Variants in SHISA5 observed in about 807,000 individuals in gnomAD.
SHISA5 encodes protein shisa-5.
SHISA5 carries 21 observed loss-of-function variants against 27.5 expected under a neutral mutation model. That is an observed-to-expected ratio of 0.76 (90% CI 0.54 to 1.10). The LOEUF (loss-of-function observed/expected upper bound fraction) is 1.10, where lower values mean the gene tolerates loss of function less well. Among genes scored for constraint, SHISA5 ranks in the 50% least tolerant of loss-of-function variants. SHISA5 has a pLI of 0.00. For missense variants in SHISA5, 314 were observed against 336.3 expected (o/e 0.93, Z 0.52); for synonymous variants, 137 against 142.2 (o/e 0.96, Z 0.26).
At chr3:48,478,431 C>T (rs2040892458) in intron 3 of SHISA5, among the ~76,000 whole-genome samples, 1 of 152,146 alleles carries the variant, frequency 6.6e-6, no homozygotes, top group Non-Finnish European at 1.5e-5. Context: ...CTGGGCAGAC[C>T]TTTTCTTTAA....
At chr3:48,503,319 G>C in intron 1 of SHISA5, 2 of 498,258 alleles carry the variant, frequency 4.0e-6, no homozygotes, top group Non-Finnish European at 7.3e-6. Context: ...CGGATTCTGG[G>C]CACAAGTCTC....
upstream of SHISA5, chr3:48,504,277 G>C: frequency 2.7e-6 from 1 of 371,842 alleles, no homozygotes; most frequent in Non-Finnish European, 4.8e-6. This position sits in a 1 kb window ranked among gnomAD's most constrained non-coding sequence, Gnocchi z 4.0. Flanking sequence ...GGAGGAGGGA[G>C]GAAGGTGGAA....
At chr3:48,476,506 T>C (rs1020195947) in intron 3 of SHISA5, among the ~76,000 whole-genome samples, 1 of 152,174 alleles carries the variant, frequency 6.6e-6, no homozygotes, top group African/African-American at 2.4e-5. Flanking sequence ...CTCCTGGCCA[T>C]GGCCTCGACA....
chr3:48,477,647 A>G (rs1388756714), intron 3 of SHISA5, among the ~76,000 whole-genome samples: 7 of 152,054 alleles, frequency 4.6e-5, no homozygotes, highest in African/African-American at 1.7e-4. Flanking sequence ...ACAATTTCCA[A>G]CTGCTCTTCA....
At chr3:48,480,886 G>A (rs763628484) in intron 2 of SHISA5, among the ~76,000 whole-genome samples, 11 of 152,252 alleles carry the variant, frequency 7.2e-5, no homozygotes, top group Admixed American at 5.2e-4. Context: ...ACTGAGGTCA[G>A]GAGTTCGAGA....
intron 3 of SHISA5, among the ~76,000 whole-genome samples, chr3:48,472,156 G>A (rs1264110440): frequency 6.6e-6 from 1 of 151,822 alleles, no homozygotes; most frequent in Admixed American, 6.6e-5. Flanking sequence ...ACTCCAGCCT[G>A]AGCAACAGTG....
intron 2 of SHISA5, among the ~76,000 whole-genome samples, chr3:48,499,864 CA>C (rs55724575): frequency 0.089 from 4,158 of 46,982 alleles, 193 homozygotes; most frequent in African/African-American, 0.25. Context: ...GACTCCGTCT[CA>C]AAAAAAAAAA....
chr3:48,496,780 TA>T (rs796720740), intron 2 of SHISA5, among the ~76,000 whole-genome samples: 17 of 141,078 alleles, frequency 1.2e-4, no homozygotes, highest in African/African-American at 2.9e-4. Flanking sequence ...TATAATACCA[TA>T]AAAAAAAACA....
intron 2 of SHISA5, among the ~76,000 whole-genome samples, chr3:48,496,615 T>C (rs1340838434): frequency 3.3e-5 from 5 of 151,706 alleles, no homozygotes; most frequent in African/African-American, 9.7e-5. Context: ...GCCCCTGTAA[T>C]CCCAGCTACT....
rs1209476605 is a variant in SHISA5, at chr3:48,473,219, T to G, written c.315-3376A>C. On this transcript the variant is annotated intron_variant, in intron 3 of 5. Coordinates refer to ENST00000296444, the MANE Select transcript of SHISA5 (RefSeq NM_016479.6). The surrounding 1 kb of genome is among the most constrained non-coding windows in gnomAD (Gnocchi z 4.3). ...AGGATGGCCCCGCCCAGCAGCCGGCTAGCAGCCAAGGAGCCAAGGGGCGGG... is the reference window on the plus strand; with the variant it reads ...AGGATGGCCCCGCCCAGCAGCCGGCGAGCAGCCAAGGAGCCAAGGGGCGGG... The G allele has an allele frequency of 2.1e-5, 29 of 1,404,966 alleles. No homozygotes were observed. The highest frequency in any genetic ancestry group is 5.8e-5 in the Admixed American group (2 of 34,442). 87.0% of individuals were successfully genotyped at this position (1,404,966 alleles called of 1,614,324 possible). A position where few individuals can be genotyped will look rare whatever the true frequency, so the allele number is the denominator to read the frequency against.
Position 48,501,150 on chromosome 3 carries a change from C to T in SHISA5, c.220G>A (p.Val74Met). The change falls in exon 2 of 6, where the codon GTG becomes ATG. Residue 74 changes from valine to methionine, a missense_variant. Physicochemically the swap from Val to Met is conservative, Grantham distance 21. Transcript: ENST00000296444. Reference sequence around the variant, plus strand: ...TGGTGCACCCACCTGGCCTCAGGCACAGCACACCTTTCCTCGCTCCACACA... The same window carrying T: ...TGGTGCACCCACCTGGCCTCAGGCATAGCACACCTTTCCTCGCTCCACACA... ...KFVWSEERCA[V>M]PEASVPASVE... The T allele has an allele frequency of 6.2e-7, 1 of 1,612,124 alleles. No homozygotes were observed. The highest frequency in any genetic ancestry group is 8.5e-7 in the Non-Finnish European group (1 of 1,179,080).
At chr3:48,475,418 T>C (rs2040790624) in intron 3 of SHISA5, among the ~76,000 whole-genome samples, 1 of 151,910 alleles carries the variant, frequency 6.6e-6, no homozygotes, top group South Asian at 2.1e-4. Context: ...GGCAGGATTG[T>C]AGGGTCTGGG....
At chr3:48,490,886 A>T (rs1560131478) in intron 2 of SHISA5, among the ~76,000 whole-genome samples, 2 of 152,100 alleles carry the variant, frequency 1.3e-5, no homozygotes, top group Non-Finnish European at 2.9e-5. Context: ...AATAGGAAAC[A>T]TTTGTCATCT....
intron 3 of SHISA5, among the ~76,000 whole-genome samples, chr3:48,477,309 T>G (rs1015034202): frequency 2.0e-5 from 3 of 152,162 alleles, no homozygotes; most frequent in African/African-American, 7.2e-5. Flanking sequence ...TTGGCCAGGC[T>G]GGTCTTGAAC....
At position 48,473,250 on chromosome 3, in the gene SHISA5, G is replaced by T; in HGVS notation, c.315-3407C>A. Reference sequence around the variant, plus strand: ...CCAAGGAGCCAAGGGGCGGGGGCCGGGGAGGAGGGGAAGCAGAGGTGCCCC... The same window carrying T: ...CCAAGGAGCCAAGGGGCGGGGGCCGTGGAGGAGGGGAAGCAGAGGTGCCCC... On this transcript the variant is annotated intron_variant, in intron 3 of 5. Coordinates refer to ENST00000296444, the MANE Select transcript of SHISA5 (RefSeq NM_016479.6). This position sits in a 1 kb window ranked among gnomAD's most constrained non-coding sequence, Gnocchi z 4.3. 1.4e-6 allele frequency: 2 copies of T among 1,420,718 alleles called. No individual in the cohort carries two copies. The highest frequency in any genetic ancestry group is 1.8e-6 in the Non-Finnish European group (2 of 1,089,952). The allele number at this position is 1,420,718 out of a possible 1,614,324, so 88.0% of individuals were successfully genotyped here.
chr3:48,496,564 C>G (rs1450121597), intron 2 of SHISA5, among the ~76,000 whole-genome samples: 1 of 151,598 alleles, frequency 6.6e-6, no homozygotes, highest in Non-Finnish European at 1.5e-5. Flanking sequence ...AACCCCGTCT[C>G]TACTAAAAAT....
intron 2 of SHISA5, 28 bp from the exon 3 acceptor site, chr3:48,479,285 A>C (rs1329044803): frequency 6.3e-7 from 1 of 1,587,288 alleles, no homozygotes; most frequent in Non-Finnish European, 8.5e-7. Flanking sequence ...TGTGATTAGC[A>C]CAATGAAGCC....
intron 2 of SHISA5, among the ~76,000 whole-genome samples, chr3:48,500,779 C>T (rs1342064535): frequency 1.3e-5 from 2 of 152,188 alleles, no homozygotes; most frequent in Non-Finnish European, 2.9e-5. Flanking sequence ...CAGGGGCATG[C>T]GCATACTGTG....
rs6800694 is a variant in SHISA5 at position 48,470,891 on chromosome 3, C to T, written c.315-1048G>A. On this transcript the variant is annotated intron_variant, in intron 3 of 5. Coordinates refer to ENST00000296444, the MANE Select transcript of SHISA5 (RefSeq NM_016479.6). This position sits in a 1 kb window ranked among gnomAD's most constrained non-coding sequence, Gnocchi z 4.3. Reference sequence around the variant, plus strand: ...GCATTCAGCCAAGATCACGCCATTGCACTCCAGCCTGGGGACAGGAGCAAA... The same window carrying T: ...GCATTCAGCCAAGATCACGCCATTGTACTCCAGCCTGGGGACAGGAGCAAA... Among the ~76,000 whole-genome samples, 1,894 of 151,616 alleles carry T rather than the reference C, an allele frequency of 0.012. 40 individuals carry two copies. The highest frequency in any genetic ancestry group is 0.043 in the African/African-American group (1,771 of 41,270).
Sources: allele counts gnomAD v4.1 joint callset (sites outside exome capture counted in the v4.1 genomes callset), GRCh38; gene constraint gnomAD v4.1.1; non-coding constraint Gnocchi (gnomAD v3.1); transcripts MANE v1.5; gene names NCBI Gene and HGNC (gene_info 2026-07-23, HGNC 2026-07-21).